LDB3: variants seen among roughly 807,000 people sequenced by gnomAD.
LDB3 encodes the protein LIM domain-binding protein 3.
In LDB3, 49 loss-of-function variants were observed where a neutral mutation model predicts 69.0. The observed-to-expected ratio is 0.71, with a 90% CI of 0.56 to 0.90. The LOEUF (loss-of-function observed/expected upper bound fraction) is 0.90, where lower values mean the gene tolerates loss of function less well. Among genes scored for constraint, LDB3 ranks in the 40% least tolerant of loss-of-function variants. The pLI is 0.00. For synonymous variants in LDB3, 387 were observed against 396.2 expected (o/e 0.98, Z 0.28); for missense variants, 928 against 974.1 (o/e 0.95, Z 0.63).
chr10:86,692,507 C>T, intron 6 of LDB3, 28 bp from the exon 7 acceptor site: 2 of 1,613,324 alleles, frequency 1.2e-6, no homozygotes, highest in Non-Finnish European at 1.7e-6. Context: ...TCCCGTGAGT[C>T]CCCTGACCAG....
chr10:86,694,008 TC>T (rs1380610068), intron 7 of LDB3, among the ~76,000 whole-genome samples: 1 of 152,218 alleles, frequency 6.6e-6, no homozygotes, highest in East Asian at 1.9e-4. Context: ...AGTCCTGCCT[TC>T]CTGGCTCCCT....
intron 12 of LDB3, 139 bp downstream of exon 12, chr10:86,718,986 C>A: frequency 9.4e-7 from 1 of 1,063,410 alleles, no homozygotes; most frequent in Non-Finnish European, 1.3e-6. Flanking sequence ...TTTGTTTTTG[C>A]TTTTAATGGC....
chr10:86,718,475 TCC>T, intron 11 of LDB3, among the ~76,000 whole-genome samples: 1 of 152,128 alleles, frequency 6.6e-6, no homozygotes, highest in Non-Finnish European at 1.5e-5. Context: ...AAGCAGTACC[TCC>T]TCCCAGGTTT....
intron 13 of LDB3, among the ~76,000 whole-genome samples, chr10:86,727,265 A>G (rs1340451258): frequency 6.6e-6 from 1 of 151,578 alleles, no homozygotes; most frequent in African/African-American, 2.4e-5. Context: ...CAGGTGATTC[A>G]CCCACCTTGG....
At chr10:86,676,113 C>T (rs1844777986) in intron 2 of LDB3, among the ~76,000 whole-genome samples, 2 of 152,238 alleles carry the variant, frequency 1.3e-5, no homozygotes, top group Non-Finnish European at 2.9e-5. Flanking sequence ...CTCTAAGATG[C>T]CCCTGCGGGG....
chr10:86,689,712 G>A (rs1218868193), intron 5 of LDB3, among the ~76,000 whole-genome samples: 1 of 152,218 alleles, frequency 6.6e-6, no homozygotes, highest in East Asian at 1.9e-4. Context: ...CATGGGAAGT[G>A]TATCTGCAGG....
chr10:86,709,293 T>A (rs919340772), intron 8 of LDB3, among the ~76,000 whole-genome samples: 1 of 151,772 alleles, frequency 6.6e-6, no homozygotes, highest in Non-Finnish European at 1.5e-5. Flanking sequence ...GGGCCACACA[T>A]GGGGAAAGGT....
chr10:86,688,420 T>C (rs1845606606), intron 5 of LDB3, among the ~76,000 whole-genome samples: 1 of 152,136 alleles, frequency 6.6e-6, no homozygotes, highest in Non-Finnish European at 1.5e-5. Context: ...TGGAACAGTG[T>C]GGGCTCTCTG....
chr10:86,721,037 A>G (rs1360912349), intron 12 of LDB3, among the ~76,000 whole-genome samples: 2 of 152,160 alleles, frequency 1.3e-5, no homozygotes, highest in African/African-American at 2.4e-5. Flanking sequence ...CTTGAAATCC[A>G]GGGCTCAAGC....
intron 13 of LDB3, among the ~76,000 whole-genome samples, chr10:86,729,631 T>C (rs1290729185): frequency 5.9e-5 from 9 of 152,168 alleles, no homozygotes. Context: ...ACCATCCCTG[T>C]TGCCCCCTGT....
chr10:86,731,908 T>C (rs1280000165), intron 13 of LDB3, among the ~76,000 whole-genome samples: 1 of 152,098 alleles, frequency 6.6e-6, no homozygotes, highest in Non-Finnish European at 1.5e-5. Flanking sequence ...TGAGGTTTTT[T>C]TGTTTTATTT....
chr10:86,684,401 C>T (rs1845341954), intron 5 of LDB3, among the ~76,000 whole-genome samples: 2 of 152,220 alleles, frequency 1.3e-5, no homozygotes, highest in South Asian at 4.1e-4. Flanking sequence ...CAGAGGCAGC[C>T]CCCACCCCGC....
intron 3 of LDB3, among the ~76,000 whole-genome samples, chr10:86,679,763 G>T (rs547551169): frequency 4.6e-5 from 7 of 152,228 alleles, no homozygotes; most frequent in South Asian, 2.1e-4. Context: ...GGTGCTGCCC[G>T]TACGTGGGCC....
Position 86,733,134 on chromosome 10 carries a change from AG to A in LDB3, c.*159del. The stretch of plus-strand genomic sequence containing the variant: ...ATTTTAGGTTTTTTCTTCTGTACAC[AG>A]ATCGTGCATTTGCATAGTTCAGACT... On this transcript the variant is annotated 3_prime_UTR_variant, in exon 14 of 14. Transcript: ENST00000361373. 1.5e-6 allele frequency: 1 copy of A among 646,934 alleles called. No homozygotes were observed. 40.1% of individuals were successfully genotyped at this position (646,934 alleles called of 1,614,324 possible).
intron 13 of LDB3, 66 bp downstream of exon 13, chr10:86,726,318 T>A (rs1048561969): frequency 1.6e-6 from 2 of 1,267,418 alleles, no homozygotes; most frequent in South Asian, 1.2e-5. Flanking sequence ...GGGAGCCAGA[T>A]GACCAACCTC....
rs1399781575 is a variant in LDB3, at chr10:86,733,076, A to G, written c.*100A>G. On this transcript the variant is annotated 3_prime_UTR_variant, in exon 14 of 14. Coordinates refer to ENST00000361373, the MANE Select transcript of LDB3 (RefSeq NM_007078.3). ...TGTTTCTTCTGAGGGGAATGGGGAG[A>G]GAGAGGAAGCGACTGAGCCCTTTGG... 10 of 837,572 alleles carry G rather than the reference A, an allele frequency of 1.2e-5. No homozygotes were observed. In the East Asian group the frequency reaches 2.6e-4, roughly 22 times the overall value. The allele number at this position is 837,572 out of a possible 1,614,324, so 51.9% of individuals were successfully genotyped here. A position where few individuals can be genotyped will look rare whatever the true frequency, so the allele number is the denominator to read the frequency against.
intron 8 of LDB3, 140 bp downstream of exon 8, chr10:86,706,859 G>T: frequency 1.2e-6 from 1 of 865,116 alleles, no homozygotes. Context: ...GCGCTGCTTG[G>T]TGCAGAGTGT....
At chr10:86,694,077 T>C (rs1249802794) in intron 7 of LDB3, among the ~76,000 whole-genome samples, 2 of 152,198 alleles carry the variant, frequency 1.3e-5, no homozygotes, top group Non-Finnish European at 2.9e-5. Context: ...GCTCAGCTTG[T>C]GCCTCATTAA....
In LDB3 at chr10:86,716,517, G is replaced by T. The variant is rs142625982; in HGVS notation, c.1422G>T (p.Ser474=). The change falls in exon 10 of 14, where the codon TCG becomes TCT. Residue 474 remains serine (S), a synonymous_variant. Coordinates refer to ENST00000361373, the MANE Select transcript of LDB3 (RefSeq NM_007078.3). ...CCCCCAACTATAACCCTGCACCCTCGGTGGCCTACAGCGGGGGCCCTGCGG... is the reference window on the plus strand; with the variant it reads ...CCCCCAACTATAACCCTGCACCCTCTGTGGCCTACAGCGGGGGCCCTGCGG... ...SPAPNYNPAP[S]VAYSGGPAEP... 2 of 1,610,816 alleles carry T rather than the reference G, an allele frequency of 1.2e-6. No individual in the cohort carries two copies. The highest frequency in any genetic ancestry group is 1.7e-6 in the Non-Finnish European group (2 of 1,179,254).
Sources: allele counts gnomAD v4.1 joint callset (sites outside exome capture counted in the v4.1 genomes callset), GRCh38; gene constraint gnomAD v4.1.1; transcripts MANE v1.5; gene names NCBI Gene and HGNC (gene_info 2026-07-23, HGNC 2026-07-21).